The following EPRS1 variants were observed in gnomAD, a reference collection of about 807,000 sequenced individuals.
EPRS1 encodes glutamyl-prolyl-tRNA synthetase 1.
In EPRS1, 107 loss-of-function variants were observed where a neutral mutation model predicts 188.3. The observed-to-expected ratio is 0.57, with a 90% CI of 0.49 to 0.67. EPRS1 has a LOEUF of 0.67. Among genes scored for constraint, EPRS1 ranks in the 30% least tolerant of loss-of-function variants. The probability of loss-of-function intolerance (pLI) is 0.00; values close to 1 mark genes in which losing one functional copy is unlikely to be tolerated. For missense variants in EPRS1, 1,577 were observed against 1,802.2 expected, an observed-to-expected ratio of 0.88 and a Z score of 2.26; for synonymous variants, 596 against 593.1, an observed-to-expected ratio of 1.00 and a Z score of -0.07.
At position 220,046,441 on chromosome 1, in the gene EPRS1, A is replaced by G; in HGVS notation, c.-53T>C. 6.2e-7 allele frequency: 1 copy of G among 1,609,880 alleles called. No homozygotes were observed. Among genetic ancestry groups the G allele is most frequent in the Non-Finnish European group, 8.5e-7 (1 of 1,178,424 alleles). On this transcript the variant is annotated 5_prime_UTR_variant, in exon 1 of 32. Coordinates refer to ENST00000366923, the MANE Select transcript of EPRS1 (RefSeq NM_004446.3). ...AGTACGCCTGGCTCGTGCCAGAACT[A>G]CGGAGGACCCCGCGAAAGGAAGAAG... is the stretch of plus-strand genomic sequence containing the variant.
At chr1:219,991,374 C>G (rs543265495) in intron 18 of EPRS1, among the ~76,000 whole-genome samples, 92 of 152,146 alleles carry the variant, frequency 6.0e-4, no homozygotes, top group African/African-American at 2.2e-3. Context: ...TTTATTACCA[C>G]TCACCTTTGC....
intron 13 of EPRS1, 49 bp downstream of exon 13, chr1:220,010,897 C>T (rs1163275770): frequency 9.5e-7 from 1 of 1,049,270 alleles, no homozygotes; most frequent in Non-Finnish European, 1.5e-6. Flanking sequence ...TTATTTCCTG[C>T]TCCTTCTTTT....
At chr1:220,005,664 G>C (rs1171370344) in intron 15 of EPRS1, among the ~76,000 whole-genome samples, 1 of 152,106 alleles carries the variant, frequency 6.6e-6, no homozygotes, top group African/African-American at 2.4e-5. Flanking sequence ...GCATGTAATA[G>C]ACTTAGGTGA....
intron 3 of EPRS1, among the ~76,000 whole-genome samples, chr1:220,034,015 C>T (rs1340130243): frequency 6.6e-6 from 1 of 151,756 alleles, no homozygotes; most frequent in Non-Finnish European, 1.5e-5. Context: ...GATTCATTTA[C>T]TTGAAAAATT....
Position 220,018,994 on chromosome 1 carries a change from C to T in EPRS1, c.1434+1G>A. 6.2e-7 allele frequency: 1 copy of T among 1,604,540 alleles called. No homozygotes were observed. The highest frequency in any genetic ancestry group is 8.5e-7 in the Non-Finnish European group (1 of 1,171,572). ...AAGCTGGAAAAGAAACTGTAACGCA[C>T]CTGAGCAGCAATAAACTGTTTCAGT... is the stretch of plus-strand genomic sequence containing the variant. On this transcript the variant is annotated splice_donor_variant, in intron 11 of 31. Transcript: ENST00000366923. LOFTEE classifies it high-confidence loss of function.
chr1:220,032,719 C>T (rs1043177229), intron 4 of EPRS1, among the ~76,000 whole-genome samples, 193 bp from the exon 5 acceptor site: 3 of 151,970 alleles, frequency 2.0e-5, no homozygotes, highest in Non-Finnish European at 4.4e-5. Context: ...GTTCCATAAC[C>T]GTAGATACAA....
rs988085674 is a variant in EPRS1, at chr1:220,019,155, A to C, written c.1350-76T>G. The C allele has an allele frequency of 5.8e-6, 5 of 855,382 alleles. No homozygotes were observed. In the African/African-American group the frequency reaches 6.7e-5, roughly 12 times the overall value. The allele number at this position is 855,382 out of a possible 1,614,324, so 53.0% of individuals were successfully genotyped here. A position where few individuals can be genotyped will look rare whatever the true frequency, so the allele number is the denominator to read the frequency against. On this transcript the variant is annotated intron_variant, in intron 10 of 31. Coordinates refer to ENST00000366923, the MANE Select transcript of EPRS1 (RefSeq NM_004446.3). ...GTGGAGAGTAGAAGATACTTAATCA[A>C]TAATAAATCATATTCAGCTTGTTAA...
Position 219,987,358 on chromosome 1 carries a change from T to G in EPRS1, c.2822A>C (p.Gln941Pro), listed in dbSNP as rs199609411. The change falls in exon 20 of 32, where the codon CAG (glutamine) becomes CCG (proline). Residue 941 changes from glutamine to proline, a missense_variant. Gln to Pro is a moderately conservative substitution (Grantham distance 76). Coordinates refer to ENST00000366923, the MANE Select transcript of EPRS1 (RefSeq NM_004446.3). The part of the protein sequence containing the change: ...AVQELLQLKA[Q>P]YKSLIGVEYK... ...CTCTACTCCTATCAAAGACTTGTAC[T>G]GTGCCTTTAGCTGAAGGAGTTCTTG... is the stretch of plus-strand genomic sequence containing the variant. The G allele has an allele frequency of 6.2e-6, 10 of 1,613,022 alleles. 1 individual carries two copies. In the Admixed American group the frequency reaches 1.3e-4, roughly 22 times the overall value.
rs1661762429 is a variant in EPRS1 at position 220,018,294 on chromosome 1, T to G, written c.1494+155A>C. 4.4e-6 allele frequency: 4 copies of G among 903,098 alleles called. No individual in the cohort carries two copies. In the Admixed American group the frequency reaches 9.4e-5, roughly 21 times the overall value. The allele number at this position is 903,098 out of a possible 1,614,324, so 55.9% of individuals were successfully genotyped here. On this transcript the variant is annotated intron_variant, in intron 12 of 31. Transcript: ENST00000366923. Reference sequence around the variant, plus strand: ...AGGCTTAATTAATGCTCTTCGTGTATTTAAAAAAGGAAAACATTCCATTTT... The same window carrying G: ...AGGCTTAATTAATGCTCTTCGTGTAGTTAAAAAAGGAAAACATTCCATTTT...
intron 6 of EPRS1, among the ~76,000 whole-genome samples, chr1:220,028,437 T>C (rs1288504625): frequency 6.9e-6 from 1 of 144,834 alleles, no homozygotes; most frequent in Non-Finnish European, 1.5e-5. Context: ...AGTGACTCTA[T>C]ATCAGAATCG....
At chr1:219,978,843 T>C in intron 27 of EPRS1, 124 bp from the exon 28 acceptor site, 1 of 649,570 alleles carries the variant, frequency 1.5e-6, no homozygotes, top group South Asian at 2.3e-5. Flanking sequence ...ATTTCTAATC[T>C]TATATATAAT....
At chr1:219,979,663 G>A in intron 26 of EPRS1, 48 bp from the exon 27 acceptor site, 3 of 1,325,612 alleles carry the variant, frequency 2.3e-6, no homozygotes, top group Non-Finnish European at 3.2e-6. Context: ...AACCTATTAT[G>A]CCCTTGAAAA....
intron 12 of EPRS1, 21 bp downstream of exon 12, chr1:220,018,428 G>T: frequency 6.3e-7 from 1 of 1,576,796 alleles, no homozygotes; most frequent in Non-Finnish European, 8.7e-7. Flanking sequence ...AGAAAAGAAG[G>T]CAGAGAGTTA....
chr1:219,972,256 G>C lies in EPRS1; in HGVS notation c.4245-109C>G. ...GAAAAGACAACCTGGGAGTGAGAAG[G>C]ACTCAATTTGAATCTCAAGTCTATC... On this transcript the variant is annotated intron_variant, in intron 29 of 31. Transcript: ENST00000366923. 3 of 611,758 alleles carry C rather than the reference G, an allele frequency of 4.9e-6. No homozygotes were observed. The Admixed American group carries it at 9.1e-5, about 18-fold the overall frequency. 37.9% of individuals were successfully genotyped at this position (611,758 alleles called of 1,614,324 possible). A position where few individuals can be genotyped will look rare whatever the true frequency, so the allele number is the denominator to read the frequency against.
chr1:220,015,480 AACAAAAG>A (rs546784165), intron 12 of EPRS1, among the ~76,000 whole-genome samples: 471 of 151,216 alleles, frequency 3.1e-3, no homozygotes, highest in African/African-American at 0.011. Flanking sequence ...AATAAAACAA[AACAAAAG>A]AGAAAAGACA....
rs751354290 is a variant in EPRS1, at chr1:219,979,629, A to G, written c.3712-14T>C. 1.1e-5 allele frequency: 17 copies of G among 1,571,744 alleles called. No individual in the cohort carries two copies. The African/African-American group carries it at 2.0e-4, about 19-fold the overall frequency. On this transcript the variant is annotated splice_polypyrimidine_tract_variant and intron_variant, in intron 26 of 31. Transcript: ENST00000366923. ...TGATGTTCCTCCCTAAAATAGAGAG[A>G]GAAAAATAAGCTTCATTTTTAATAA...
At chr1:219,980,556 A>G (rs1015907653) in intron 25 of EPRS1, among the ~76,000 whole-genome samples, 200 bp downstream of exon 25, 1 of 152,242 alleles carries the variant, frequency 6.6e-6, no homozygotes, top group African/African-American at 2.4e-5. Context: ...ATTAAAGTCC[A>G]GAAGTATTTT....
chr1:220,008,133 A>C (rs1474257933), intron 13 of EPRS1, among the ~76,000 whole-genome samples: 1 of 131,774 alleles, frequency 7.6e-6, no homozygotes, highest in African/African-American at 2.8e-5. Context: ...AAAAAAAAAA[A>C]AAGATAAAAG....
intron 9 of EPRS1, among the ~76,000 whole-genome samples, chr1:220,020,746 C>T (rs192232080): frequency 6.4e-4 from 93 of 144,854 alleles, no homozygotes; most frequent in African/African-American, 2.3e-3. Flanking sequence ...GTCAAAATTA[C>T]ATTTAAGATG....
Sources: gnomAD v4.1 joint callset for allele counts (sites outside exome capture counted in the v4.1 genomes callset) on GRCh38, gnomAD v4.1.1 for gene constraint, MANE v1.5 for transcripts, NCBI Gene and HGNC (gene_info 2026-07-23, HGNC 2026-07-21) for gene names.